Variants in MLLT10 observed in about 807,000 individuals in gnomAD.
The protein encoded by MLLT10 is MLLT10 histone lysine methyltransferase DOT1L cofactor, also known as protein AF-10.
A neutral mutation model predicts 129.1 loss-of-function variants in MLLT10; 30 were observed. That is an observed-to-expected ratio of 0.23 (90% CI 0.17 to 0.32). MLLT10 has a LOEUF of 0.32. Among genes scored for constraint, MLLT10 ranks in the 10% least tolerant of loss-of-function variants. The probability of loss-of-function intolerance (pLI) is 1.00; values close to 1 mark genes in which losing one functional copy is unlikely to be tolerated. For missense variants in MLLT10, 1,119 were observed against 1,268.3 expected, an observed-to-expected ratio of 0.88 and a Z score of 1.79; for synonymous variants, 490 against 446.4, an observed-to-expected ratio of 1.10 and a Z score of -1.23.
At chr10:21,711,762 T>C (rs1231110763) in intron 13 of MLLT10, among the ~76,000 whole-genome samples, 1 of 152,024 alleles carries the variant, frequency 6.6e-6, no homozygotes, top group African/African-American at 2.4e-5. Flanking sequence ...AAACAAAAGA[T>C]AGAAAAGAAA....
chr10:21,643,095 C>G (rs573872607), intron 8 of MLLT10, among the ~76,000 whole-genome samples: 1 of 152,200 alleles, frequency 6.6e-6, no homozygotes, highest in East Asian at 1.9e-4. Context: ...TGCAGTGGTG[C>G]AATCTCGGCT....
rs1286008614 is a variant in MLLT10, at chr10:21,734,077, ACAACCGTACCACCTAATG to A, written c.2811_2828del (p.Val938_Thr943del). Reference sequence around the variant, plus strand: ...CCAGAACCCTACCCCTCTCACCCACACAACCGTACCACCTAATGCAACACATCCAATGCCAGCTACACT... The same window carrying A: ...CCAGAACCCTACCCCTCTCACCCACACAACACATCCAATGCCAGCTACACT... On this transcript the variant is annotated inframe_deletion, in exon 20 of 23. Transcript: ENST00000307729. The A allele has an allele frequency of 6.2e-7, 1 of 1,613,996 alleles. No individual in the cohort carries two copies. The highest frequency in any genetic ancestry group is 8.5e-7 in the Non-Finnish European group (1 of 1,179,916).
chr10:21,551,000 C>T (rs1414609260), intron 3 of MLLT10, among the ~76,000 whole-genome samples: 2 of 150,682 alleles, frequency 1.3e-5, no homozygotes, highest in African/African-American at 4.9e-5. Flanking sequence ...CTCACTGCAA[C>T]CTCTGCCTCC....
At chr10:21,708,480 C>T (rs1343428485) in intron 13 of MLLT10, 2 of 765,010 alleles carry the variant, frequency 2.6e-6, no homozygotes, top group South Asian at 6.0e-5. Context: ...GAAGGGAATA[C>T]ATTATTTTCA....
At chr10:21,694,163 T>A (rs565588563) in intron 13 of MLLT10, among the ~76,000 whole-genome samples, 1 of 152,228 alleles carries the variant, frequency 6.6e-6, no homozygotes, top group African/African-American at 2.4e-5. Flanking sequence ...TGAATACTTA[T>A]GTATTTCTTA....
intron 14 of MLLT10, among the ~76,000 whole-genome samples, chr10:21,720,945 G>C (rs1251405433): frequency 6.6e-6 from 1 of 152,146 alleles, no homozygotes; most frequent in Non-Finnish European, 1.5e-5. Flanking sequence ...TGGAAATTGA[G>C]GACAGAGAGG....
intron 3 of MLLT10, among the ~76,000 whole-genome samples, chr10:21,539,562 A>G (rs977058262): frequency 1.3e-5 from 2 of 150,738 alleles, no homozygotes; most frequent in African/African-American, 4.9e-5. Flanking sequence ...TCTCGAGGTC[A>G]AAAGATGGAG....
chr10:21,717,864 T>C (rs1295813292), intron 14 of MLLT10, among the ~76,000 whole-genome samples: 197 of 71,096 alleles, frequency 2.8e-3, no homozygotes, highest in Middle Eastern at 0.014. Context: ...TCCTCCTCCT[T>C]CTCCTCCTCC....
intron 9 of MLLT10, among the ~76,000 whole-genome samples, chr10:21,665,220 A>C (rs2131359281): frequency 6.7e-6 from 1 of 149,094 alleles, no homozygotes; most frequent in African/African-American, 2.5e-5. Flanking sequence ...TGTTGGGATT[A>C]CAGGCGCGAG....
chr10:21,534,476 C>G lies in MLLT10; in HGVS notation c.-45C>G, dbSNP rs983508981. Reference sequence around the variant, plus strand: ...GGGGGGAATCAGCAAGGACATGGCTCCTGACTCCTGTGCGGAACGTGAGTG... The same window carrying G: ...GGGGGGAATCAGCAAGGACATGGCTGCTGACTCCTGTGCGGAACGTGAGTG... On this transcript the variant is annotated 5_prime_UTR_variant, in exon 1 of 23. Transcript: ENST00000307729. The G allele has an allele frequency of 2.2e-5, 14 of 626,272 alleles. No individual in the cohort carries two copies. The highest frequency in any genetic ancestry group is 3.7e-5 in the Non-Finnish European group (14 of 377,220). The allele number at this position is 626,272 out of a possible 1,614,324, so 38.8% of individuals were successfully genotyped here. A position where few individuals can be genotyped will look rare whatever the true frequency, so the allele number is the denominator to read the frequency against.
At chr10:21,600,423 A>G (rs909345871) in intron 5 of MLLT10, among the ~76,000 whole-genome samples, 3 of 151,526 alleles carry the variant, frequency 2.0e-5, no homozygotes, top group Non-Finnish European at 4.4e-5. Context: ...AACATTTCTT[A>G]GAATGAAGAG....
At chr10:21,580,718 T>A (rs1254013809) in intron 3 of MLLT10, among the ~76,000 whole-genome samples, 3 of 151,710 alleles carry the variant, frequency 2.0e-5, no homozygotes, top group Non-Finnish European at 4.4e-5. Flanking sequence ...TTCTTTTTTT[T>A]TGAGACAGAG....
At chr10:21,732,781 C>CT (rs1196161237) in intron 17 of MLLT10, 118 bp from the exon 18 acceptor site, 1 of 793,882 alleles carries the variant, frequency 1.3e-6, no homozygotes, top group Non-Finnish European at 1.8e-6. Context: ...TTTAGAAACA[C>CT]TTTACAGAAT....
intron 5 of MLLT10, among the ~76,000 whole-genome samples, chr10:21,603,565 G>A (rs1472739137): frequency 6.6e-6 from 1 of 152,130 alleles, no homozygotes; most frequent in East Asian, 1.9e-4. Context: ...AACAACCTGT[G>A]TAGATTCATC....
At chr10:21,684,744 A>G (rs1454448926) in intron 13 of MLLT10, among the ~76,000 whole-genome samples, 1 of 152,144 alleles carries the variant, frequency 6.6e-6, no homozygotes, top group East Asian at 1.9e-4. Context: ...GATAACATTT[A>G]TACTCCTTCA....
intron 8 of MLLT10, chr10:21,625,679 T>C (rs2046361012): frequency 1.3e-6 from 1 of 764,932 alleles, no homozygotes. Context: ...TTTAGTCTTA[T>C]TCTTCAGAAT....
rs1373011611 is a variant in MLLT10, at chr10:21,534,448, G to A, written c.-73G>A. 1 of 509,998 alleles carries A rather than the reference G, an allele frequency of 2.0e-6. No individual in the cohort carries two copies. The highest frequency in any genetic ancestry group is 3.0e-5 in the South Asian group (1 of 33,392). 31.6% of individuals were successfully genotyped at this position (509,998 alleles called of 1,614,324 possible). The stretch of plus-strand genomic sequence containing the variant: ...GAGGCGGAGGAGGCGGTGGAGGGGA[G>A]GTGGGGGGAATCAGCAAGGACATGG... On this transcript the variant is annotated 5_prime_UTR_variant, in exon 1 of 23. Transcript: ENST00000307729.
chr10:21,596,020 A>T (rs2042987070), intron 5 of MLLT10, among the ~76,000 whole-genome samples: 1 of 152,060 alleles, frequency 6.6e-6, no homozygotes, highest in African/African-American at 2.4e-5. Flanking sequence ...GCCTTTAAAT[A>T]TAGTTTTATT....
chr10:21,631,342 T>TA (rs2046993995), intron 8 of MLLT10, among the ~76,000 whole-genome samples: 1 of 137,724 alleles, frequency 7.3e-6, no homozygotes, highest in African/African-American at 2.7e-5. Context: ...AAAAGAAAAG[T>TA]AATGGGCAGA....
Sources: allele counts gnomAD v4.1 joint callset (sites outside exome capture counted in the v4.1 genomes callset), GRCh38; gene constraint gnomAD v4.1.1; transcripts MANE v1.5; gene names NCBI Gene and HGNC (gene_info 2026-07-23, HGNC 2026-07-21).